RP1: variants seen among roughly 807,000 people sequenced by gnomAD.
RP1 encodes RP1 axonemal microtubule associated.
A neutral mutation model predicts 14.8 loss-of-function variants in RP1; 16 were observed. The observed-to-expected ratio is 1.08, with a 90% confidence interval of 0.73 to 1.65. RP1 has a LOEUF of 1.65. Among genes scored for constraint, RP1 ranks in the 40% most tolerant of loss-of-function variants. RP1 has a pLI of 0.00. For missense variants in RP1, 2,631 were observed against 2,535.0 expected (o/e 1.04, Z -0.81); for synonymous variants, 876 against 883.6 (o/e 0.99, Z 0.15).
At chr8:54,755,305 T>G (rs1342000958) in intron 20 of RP1, among the ~76,000 whole-genome samples, 1 of 152,180 alleles carries the variant, frequency 6.6e-6, no homozygotes, top group Non-Finnish European at 1.5e-5. Context: ...AACAGTCACC[T>G]TTACCACTAA....
At chr8:54,824,498 A>C (rs1210069024) in intron 24 of RP1, among the ~76,000 whole-genome samples, 2 of 135,318 alleles carry the variant, frequency 1.5e-5, no homozygotes, top group Non-Finnish European at 3.4e-5. Flanking sequence ...TTAGAGAATT[A>C]TTAGTTTTTG....
chr8:54,609,565 C>T (rs1160505980), intron 1 of RP1, among the ~76,000 whole-genome samples: 2 of 152,098 alleles, frequency 1.3e-5, no homozygotes, highest in Admixed American at 6.6e-5. Flanking sequence ...GTTCTCAATG[C>T]CCCCCACAAG....
In RP1 at chr8:54,625,062, A is replaced by G. The variant is rs763523179; in HGVS notation, c.1180A>G (p.Met394Val). 9.9e-6 allele frequency: 16 copies of G among 1,614,202 alleles called. No homozygotes were observed. In the East Asian group the frequency reaches 1.3e-4, roughly 13 times the overall value. The change falls in exon 4 of 4, where the codon ATG becomes GTG. Residue 394 changes from methionine (M) to valine (V), a missense_variant. Transcript: ENST00000220676. ...TTCATTCTCTGCAGATGTGTCACCT[A>G]TGGAGCGAAGCAGTAATCAAGAGGG... ...ACSFSADVSP[M>V]ERSSNQEGSL... is the part of the protein sequence containing the mutation.
chr8:54,863,024 C>T (rs1474494695), intron 27 of RP1, among the ~76,000 whole-genome samples: 5 of 140,072 alleles, frequency 3.6e-5, no homozygotes, highest in African/African-American at 1.0e-4. Flanking sequence ...GTCTTCTCTA[C>T]CCCCAGAGTA....
chr8:54,823,774 A>G (rs1202509951), intron 24 of RP1, among the ~76,000 whole-genome samples: 1 of 152,132 alleles, frequency 6.6e-6, no homozygotes, highest in African/African-American at 2.4e-5. Context: ...TATGTATGAG[A>G]CTTTGTGAGG....
chr8:54,577,754 C>A (rs1031803413), intron 1 of RP1, among the ~76,000 whole-genome samples: 2 of 152,066 alleles, frequency 1.3e-5, no homozygotes, highest in Non-Finnish European at 2.9e-5. Context: ...GTTTAACTAC[C>A]CCTCACGGAG....
At chr8:54,735,067 T>A (rs1304339274) in intron 18 of RP1, among the ~76,000 whole-genome samples, 1 of 152,208 alleles carries the variant, frequency 6.6e-6, no homozygotes, top group Non-Finnish European at 1.5e-5. Flanking sequence ...GAGATTATTC[T>A]GGTAATGAAA....
At chr8:54,757,410 C>T (rs1038462769) in intron 21 of RP1, among the ~76,000 whole-genome samples, 1 of 152,204 alleles carries the variant, frequency 6.6e-6, no homozygotes, top group Admixed American at 6.5e-5. Context: ...TTGGGCTTGT[C>T]CCAAAGCCAA....
chr8:54,565,226 A>G (rs1804375597), intron 1 of RP1, among the ~76,000 whole-genome samples: 1 of 152,204 alleles, frequency 6.6e-6, no homozygotes, highest in South Asian at 2.1e-4. Flanking sequence ...TGCAAGGTCC[A>G]GGAAGACAGA....
chr8:54,571,872 T>A (rs965779289), intron 1 of RP1, among the ~76,000 whole-genome samples: 11 of 152,092 alleles, frequency 7.2e-5, no homozygotes, highest in African/African-American at 2.7e-4. Flanking sequence ...ATATCCAAAT[T>A]TCCCTTTTTT....
intron 17 of RP1, among the ~76,000 whole-genome samples, chr8:54,728,780 G>A (rs1808722245): frequency 1.3e-5 from 2 of 152,042 alleles, no homozygotes; most frequent in Admixed American, 1.3e-4. Context: ...GGTTGAGGAA[G>A]GAATCTTATT....
chr8:54,627,207 C>T lies in RP1; in HGVS notation c.3325C>T (p.Pro1109Ser), dbSNP rs769893619. 39 of 1,613,906 alleles carry T rather than the reference C, an allele frequency of 2.4e-5. No individual in the cohort carries two copies. The highest frequency in any genetic ancestry group is 3.2e-5 in the Non-Finnish European group (38 of 1,179,984). ...HKTQNGVVQM[P>S]GSLAGVPFHS... ...GACTCAGAATGGAGTTGTTCAAATG[C>T]CAGGTTCACTTGCAGGTGTTCCCTT... Residue 1109 changes from proline to serine, a missense_variant, in exon 4 of 4, where the codon CCA (proline) becomes TCA (serine). Coordinates refer to ENST00000220676, the MANE Select transcript of RP1 (RefSeq NM_006269.2).
intron 6 of RP1, chr8:54,663,559 A>G: frequency 1.4e-6 from 1 of 714,190 alleles, no homozygotes; most frequent in South Asian, 3.1e-5. Flanking sequence ...TATATATAGA[A>G]TTTTTTACTG....
intron 7 of RP1, among the ~76,000 whole-genome samples, chr8:54,671,916 G>T (rs1807189477): frequency 6.6e-6 from 1 of 151,952 alleles, no homozygotes; most frequent in Non-Finnish European, 1.5e-5. Context: ...ACTAAGATTT[G>T]AACATTTAGA....
At chr8:54,825,251 G>A (rs188194906) in intron 24 of RP1, among the ~76,000 whole-genome samples, 1 of 152,236 alleles carries the variant, frequency 6.6e-6, no homozygotes, top group East Asian at 1.9e-4. Flanking sequence ...GAGTCACCGT[G>A]CCAGGTCGCT....
intron 1 of RP1, among the ~76,000 whole-genome samples, chr8:54,574,115 G>A (rs1220971185): frequency 6.6e-6 from 1 of 152,062 alleles, no homozygotes; most frequent in Non-Finnish European, 1.5e-5. Flanking sequence ...GAGTTAGAAG[G>A]AGGATTGGAA....
intron 12 of RP1, among the ~76,000 whole-genome samples, chr8:54,687,512 C>T (rs1174087254): frequency 6.6e-6 from 1 of 152,040 alleles, no homozygotes; most frequent in East Asian, 1.9e-4. Flanking sequence ...TCCCTATGTC[C>T]ATGTGTTCTC....
chr8:54,803,499 T>C (rs1196983069), intron 24 of RP1, among the ~76,000 whole-genome samples: 1 of 152,134 alleles, frequency 6.6e-6, no homozygotes, highest in African/African-American at 2.4e-5. Flanking sequence ...TCCAGGAAAA[T>C]GTATAACAAA....
At chr8:54,779,290 G>A (rs1810123388) in intron 23 of RP1, among the ~76,000 whole-genome samples, 1 of 152,138 alleles carries the variant, frequency 6.6e-6, no homozygotes, top group South Asian at 2.1e-4. Context: ...GAACACGTTT[G>A]CTGTCCAATG....
Sources: allele counts gnomAD v4.1 joint callset (sites outside exome capture counted in the v4.1 genomes callset), GRCh38; gene constraint gnomAD v4.1.1; transcripts MANE v1.5; gene names NCBI Gene and HGNC (gene_info 2026-07-23, HGNC 2026-07-21).